The following ARHGEF10L variants were observed in gnomAD, a reference collection of about 807,000 sequenced individuals.
ARHGEF10L encodes the protein Rho guanine nucleotide exchange factor 10 like.
A neutral mutation model predicts 141.2 loss-of-function variants in ARHGEF10L; 69 were observed. The observed-to-expected ratio is 0.49, with a 90% CI of 0.40 to 0.60. ARHGEF10L has a LOEUF of 0.60. Ranked by LOEUF, ARHGEF10L falls within the 20% of genes least tolerant of loss-of-function variation. ARHGEF10L has a pLI of 0.00. For synonymous variants in ARHGEF10L, 711 were observed against 718.5 expected, an observed-to-expected ratio of 0.99 and a Z score of 0.17; for missense variants, 1,482 against 1,734.3, an observed-to-expected ratio of 0.85 and a Z score of 2.58.
rs1483350528 is a variant in ARHGEF10L at position 17,625,643 on chromosome 1, G to T, written c.1318-313G>T. ...GCATTTAGTTTAAGTGGAGGGAATGGTTGCCTTGGCCACTTCTAGAAGTCT... is the reference window on the plus strand; with the variant it reads ...GCATTTAGTTTAAGTGGAGGGAATGTTTGCCTTGGCCACTTCTAGAAGTCT... On this transcript the variant is annotated intron_variant, in intron 13 of 28. Transcript: ENST00000361221. This position sits in a 1 kb window ranked among gnomAD's most constrained non-coding sequence, Gnocchi z 4.5. 1.3e-5 allele frequency among the ~76,000 whole-genome samples: 2 copies of T among 152,140 alleles called. No homozygotes were observed. Among genetic ancestry groups the T allele is most frequent in the African/African-American group, 4.8e-5 (2 of 41,428 alleles).
chr1:17,525,876 G>A, the ARHGEF10L span, among the ~76,000 whole-genome samples: 3,466 of 151,088 alleles, frequency 0.023, 143 homozygotes, highest in African/African-American at 0.079. Flanking sequence ...GGTGGCGTGC[G>A]CCTGTGTCCC....
At chr1:17,572,380 G>A (rs147568777) in intron 1 of ARHGEF10L, among the ~76,000 whole-genome samples, 3 of 152,316 alleles carry the variant, frequency 2.0e-5, no homozygotes, top group African/African-American at 4.8e-5. Context: ...GATGGAGAGC[G>A]TGGTGCGGGC....
rs1368139562 is a variant in ARHGEF10L at position 17,603,237 on chromosome 1, A to G, written c.350-271A>G. Among the ~76,000 whole-genome samples the G allele has an allele frequency of 6.9e-6, 1 of 144,662 alleles. No homozygotes were observed. Among genetic ancestry groups the G allele is most frequent in the East Asian group, 2.1e-4 (1 of 4,850 alleles). The allele number at this position is 144,662 out of a possible 152,430, so 94.9% of individuals were successfully genotyped here. Reference sequence around the variant, plus strand: ...CTGCAGGGGCCGGGAGCAGCTGTCCATTAGCCAGATGGGCAGGCCTGCGGG... The same window carrying G: ...CTGCAGGGGCCGGGAGCAGCTGTCCGTTAGCCAGATGGGCAGGCCTGCGGG... On this transcript the variant is annotated intron_variant, in intron 5 of 28. Transcript: ENST00000361221. The surrounding 1 kb of genome is among the most constrained non-coding windows in gnomAD (Gnocchi z 4.8).
At chr1:17,588,350 G>T (rs2079206177) in intron 3 of ARHGEF10L, 96 bp from the exon 4 acceptor site, 1 of 1,401,500 alleles carries the variant, frequency 7.1e-7, no homozygotes, top group Non-Finnish European at 1.0e-6. Context: ...CCTGTCTGCG[G>T]CGCCCCTGGG....
intron 26 of ARHGEF10L, among the ~76,000 whole-genome samples, chr1:17,672,648 G>A (rs965696152): frequency 1.3e-5 from 2 of 152,306 alleles, no homozygotes; most frequent in African/African-American, 2.4e-5. Flanking sequence ...AGCAAAACTT[G>A]AGAAATGGAT....
In ARHGEF10L at chr1:17,697,607, C is replaced by T. The variant is rs2065601420; in HGVS notation, c.*227C>T. ...GGAGGACACATCTGGAGGAAATGGC[C>T]TTCTTTTTAAAAGCAAAAAACACAA... On this transcript the variant is annotated 3_prime_UTR_variant, in exon 29 of 29. Transcript: ENST00000361221. This position sits in a 1 kb window ranked among gnomAD's most constrained non-coding sequence, Gnocchi z 4.8. The T allele has an allele frequency of 1.5e-6, 1 of 680,690 alleles. No homozygotes were observed. The allele number at this position is 680,690 out of a possible 1,614,324, so 42.2% of individuals were successfully genotyped here. A position where few individuals can be genotyped will look rare whatever the true frequency, so the allele number is the denominator to read the frequency against.
At chr1:17,626,125 G>A in intron 14 of ARHGEF10L, 77 bp downstream of exon 14, 1 of 1,309,926 alleles carries the variant, frequency 7.6e-7, no homozygotes, top group Non-Finnish European at 1.1e-6. Flanking sequence ...GGGTAGGAGG[G>A]AGGAGGTCTG....
chr1:17,556,272 CGG>C (rs1312629654), intron 1 of ARHGEF10L, among the ~76,000 whole-genome samples: 1 of 6,656 alleles, frequency 1.5e-4, no homozygotes, highest in Non-Finnish European at 3.7e-4. Flanking sequence ...AGCATGGCGG[CGG>C]GGGGGGGGCC....
chr1:17,556,274 G>C (rs1420542355), intron 1 of ARHGEF10L, among the ~76,000 whole-genome samples: 6 of 107,346 alleles, frequency 5.6e-5, no homozygotes, highest in Non-Finnish European at 8.1e-5. Flanking sequence ...CATGGCGGCG[G>C]GGGGGGGGCC....
rs1204371139 is a variant in ARHGEF10L, at chr1:17,573,624, TAG to T, written c.-43-6926_-43-6925del. On this transcript the variant is annotated intron_variant, in intron 1 of 28. Transcript: ENST00000361221. The surrounding 1 kb of genome is among the most constrained non-coding windows in gnomAD (Gnocchi z 4.8). ...GGAGGTAGAGGAGGGGGGCTGGAGA[TAG>T]AGTCTGGGGCCGCCCCCCTCCCACG... Among the ~76,000 whole-genome samples the T allele has an allele frequency of 1.3e-5, 2 of 151,778 alleles. No homozygotes were observed. Among genetic ancestry groups the T allele is most frequent in the African/African-American group, 2.4e-5 (1 of 41,304 alleles).
chr1:17,653,146 A>C (rs1434073176), intron 22 of ARHGEF10L, among the ~76,000 whole-genome samples: 1 of 152,156 alleles, frequency 6.6e-6, no homozygotes, highest in Non-Finnish European at 1.5e-5. Context: ...CCCCACGGCC[A>C]TCCTGAGAGA....
chr1:17,520,234 C>T, the ARHGEF10L span, among the ~76,000 whole-genome samples: 1 of 152,206 alleles, frequency 6.6e-6, no homozygotes. Context: ...GGGCTGCCTC[C>T]TGTCCTCCTG....
rs76504639 is a variant in ARHGEF10L, at chr1:17,607,989, G to A, written c.609+12G>A. On this transcript the variant is annotated intron_variant, in intron 7 of 28. Coordinates refer to ENST00000361221, the MANE Select transcript of ARHGEF10L (RefSeq NM_018125.4). The surrounding 1 kb of genome is among the most constrained non-coding windows in gnomAD (Gnocchi z 4.5). Reference sequence around the variant, plus strand: ...CCTTCCAGCCCAAGGTGAGGGGACCGGGGGTGTCGCTCACCTCAGTCAGGG... The same window carrying A: ...CCTTCCAGCCCAAGGTGAGGGGACCAGGGGTGTCGCTCACCTCAGTCAGGG... 9.1e-3 allele frequency: 12,911 copies of A among 1,424,582 alleles called. 77 individuals are homozygous for A. The highest frequency in any genetic ancestry group is 0.015 in the Middle Eastern group (80 of 5,272). 88.2% of individuals were successfully genotyped at this position (1,424,582 alleles called of 1,614,324 possible).
chr1:17,563,159 G>A (rs752192052), intron 1 of ARHGEF10L, among the ~76,000 whole-genome samples: 2 of 152,142 alleles, frequency 1.3e-5, no homozygotes, highest in Non-Finnish European at 1.5e-5. Flanking sequence ...CGGGCTTAGA[G>A]TGGGGGGCAT....
At chr1:17,574,527 T>C (rs2078140939) in intron 1 of ARHGEF10L, among the ~76,000 whole-genome samples, 1 of 152,198 alleles carries the variant, frequency 6.6e-6, no homozygotes, top group Non-Finnish European at 1.5e-5. Context: ...TATTTACACC[T>C]GCACCTGACA....
chr1:17,566,608 G>T (rs1194377642), intron 1 of ARHGEF10L, among the ~76,000 whole-genome samples: 1 of 152,226 alleles, frequency 6.6e-6, no homozygotes, highest in Non-Finnish European at 1.5e-5. Flanking sequence ...TCATTGCCAG[G>T]TGTTCATGTG....
intron 26 of ARHGEF10L, among the ~76,000 whole-genome samples, chr1:17,668,975 G>A (rs147125600): frequency 1.7e-4 from 26 of 152,162 alleles, no homozygotes; most frequent in African/African-American, 6.3e-4. Flanking sequence ...AGCCAGGCCT[G>A]GGGGAGCCGC....
At chr1:17,585,578 T>C (rs1285511798) in intron 2 of ARHGEF10L, among the ~76,000 whole-genome samples, 1 of 152,156 alleles carries the variant, frequency 6.6e-6, no homozygotes, top group African/African-American at 2.4e-5. Context: ...TGGGTACTTC[T>C]CATTCTGGGG....
Position 17,619,545 on chromosome 1 carries a change from G to A in ARHGEF10L, c.942+100G>A. 1 of 963,014 alleles carries A rather than the reference G, an allele frequency of 1.0e-6. No homozygotes were observed. The highest frequency in any genetic ancestry group is 1.5e-6 in the Non-Finnish European group (1 of 657,476). 59.7% of individuals were successfully genotyped at this position (963,014 alleles called of 1,614,324 possible). ...GCCACGCTTGTCTGGATCTCACAGGGGATATGATGACTGGGGGCTCTTGGC... is the reference window on the plus strand; with the variant it reads ...GCCACGCTTGTCTGGATCTCACAGGAGATATGATGACTGGGGGCTCTTGGC... On this transcript the variant is annotated intron_variant, in intron 10 of 28. Transcript: ENST00000361221. This position sits in a 1 kb window ranked among gnomAD's most constrained non-coding sequence, Gnocchi z 5.0.
Sources: gnomAD v4.1 joint callset for allele counts (sites outside exome capture counted in the v4.1 genomes callset) on GRCh38, gnomAD v4.1.1 for gene constraint, Gnocchi (gnomAD v3.1) non-coding constraint, MANE v1.5 for transcripts, NCBI Gene and HGNC (gene_info 2026-07-23, HGNC 2026-07-21) for gene names.